Variants in AUTS2 observed in about 807,000 individuals in gnomAD.
AUTS2 encodes autism susceptibility gene 2 protein.
A neutral mutation model predicts 112.4 loss-of-function variants in AUTS2; 17 were observed. That is an observed-to-expected ratio of 0.15 (90% confidence interval 0.10 to 0.23). The LOEUF (loss-of-function observed/expected upper bound fraction) is 0.23, where lower values mean the gene tolerates loss of function less well. AUTS2 is among the 10% of genes least tolerant of loss of function. AUTS2 has a pLI of 1.00. For missense variants in AUTS2, 1,510 were observed against 1,701.6 expected (o/e 0.89, Z 1.98); for synonymous variants, 751 against 702.7 (o/e 1.07, Z -1.09).
At chr7:70,635,913 A>G (rs978797547) in intron 5 of AUTS2, among the ~76,000 whole-genome samples, 2 of 152,154 alleles carry the variant, frequency 1.3e-5, no homozygotes, top group African/African-American at 4.8e-5. Context: ...TTAGTCTGGA[A>G]ATGACATCCA....
At chr7:70,333,555 C>T (rs1790854156) in intron 4 of AUTS2, among the ~76,000 whole-genome samples, 2 of 152,136 alleles carry the variant, frequency 1.3e-5, no homozygotes, top group African/African-American at 4.8e-5. Flanking sequence ...TTGGAACCAA[C>T]CCAAATGCCC....
At chr7:70,569,912 T>C (rs947863821) in intron 5 of AUTS2, among the ~76,000 whole-genome samples, 3 of 152,118 alleles carry the variant, frequency 2.0e-5, no homozygotes, top group Non-Finnish European at 2.9e-5. Context: ...CTTTTTTTTT[T>C]CTCCCAAAAC....
intron 5 of AUTS2, among the ~76,000 whole-genome samples, chr7:70,650,448 A>T (rs1241308398): frequency 6.6e-6 from 1 of 152,336 alleles, no homozygotes; most frequent in African/African-American, 2.4e-5. Flanking sequence ...AAAGTCACTG[A>T]TTCTGACTTA....
intron 5 of AUTS2, among the ~76,000 whole-genome samples, chr7:70,521,295 G>A (rs1799636350): frequency 1.3e-5 from 2 of 152,160 alleles, no homozygotes; most frequent in South Asian, 2.1e-4. Flanking sequence ...CAGATACGAC[G>A]TGTGAAATGC....
chr7:70,059,698 T>C (rs184879283), intron 2 of AUTS2, among the ~76,000 whole-genome samples: 7 of 152,284 alleles, frequency 4.6e-5, no homozygotes, highest in African/African-American at 1.7e-4. Context: ...TCTGTTTGAT[T>C]GGAGTTCATG....
At chr7:70,574,232 G>A (rs552661983) in intron 5 of AUTS2, among the ~76,000 whole-genome samples, 17 of 152,132 alleles carry the variant, frequency 1.1e-4, no homozygotes, top group Non-Finnish European at 2.4e-4. Context: ...AAAGTTGAAA[G>A]GAGACCAGCA....
intron 1 of AUTS2, among the ~76,000 whole-genome samples, chr7:69,646,980 C>T (rs1039023149): frequency 5.3e-5 from 8 of 152,100 alleles, no homozygotes; most frequent in Admixed American, 3.3e-4. Flanking sequence ...CCCAGCTGCT[C>T]GGGAAGCTGA....
At chr7:69,879,370 G>C (rs1464942142) in intron 1 of AUTS2, among the ~76,000 whole-genome samples, 1 of 148,028 alleles carries the variant, frequency 6.8e-6, no homozygotes, top group Non-Finnish European at 1.5e-5. Context: ...GGCTGATCCT[G>C]ACCTCCTGGG....
intron 4 of AUTS2, among the ~76,000 whole-genome samples, chr7:70,297,182 C>G (rs949628857): frequency 1.3e-5 from 2 of 151,802 alleles, no homozygotes; most frequent in African/African-American, 4.8e-5. Context: ...TGCCTTACAC[C>G]ACCCAGAATT....
chr7:70,739,919 C>T (rs1262221165), intron 6 of AUTS2, among the ~76,000 whole-genome samples: 2 of 152,100 alleles, frequency 1.3e-5, no homozygotes, highest in Non-Finnish European at 2.9e-5. Flanking sequence ...CAAAAGACAG[C>T]CCTTCAAATG....
At chr7:70,039,359 G>A (rs1350564513) in intron 2 of AUTS2, among the ~76,000 whole-genome samples, 1 of 152,018 alleles carries the variant, frequency 6.6e-6, no homozygotes, top group Non-Finnish European at 1.5e-5. Context: ...TTTTGTTGTT[G>A]TTGTTGTTGT....
chr7:69,980,574 A>G (rs548749091), intron 2 of AUTS2, among the ~76,000 whole-genome samples: 3 of 152,102 alleles, frequency 2.0e-5, no homozygotes, highest in Non-Finnish European at 4.4e-5. Context: ...TGAACTGGAA[A>G]CAGTTAAAGC....
At chr7:69,945,661 A>G (rs1165593171) in intron 2 of AUTS2, among the ~76,000 whole-genome samples, 1 of 151,758 alleles carries the variant, frequency 6.6e-6, no homozygotes, top group African/African-American at 2.4e-5. Flanking sequence ...CTAAGAATCT[A>G]CTCTTCTAGT....
At chr7:69,926,214 G>A (rs574897771) in intron 2 of AUTS2, among the ~76,000 whole-genome samples, 200 of 152,126 alleles carry the variant, frequency 1.3e-3, no homozygotes, top group Non-Finnish European at 2.3e-3. Flanking sequence ...ATATCCTTAC[G>A]GATTTTTTGC....
At chr7:70,054,935 C>A (rs924080517) in intron 2 of AUTS2, among the ~76,000 whole-genome samples, 1 of 152,080 alleles carries the variant, frequency 6.6e-6, no homozygotes, top group African/African-American at 2.4e-5. Flanking sequence ...TATCTCTTCC[C>A]CCTTTCTGCT....
At chr7:70,552,009 C>T (rs1016056119) in intron 5 of AUTS2, among the ~76,000 whole-genome samples, 3 of 152,146 alleles carry the variant, frequency 2.0e-5, no homozygotes, top group Admixed American at 6.5e-5. Flanking sequence ...GCTGAATTAT[C>T]TCTGCCTCTC....
At position 70,793,504 on chromosome 7, in the gene AUTS2, T is replaced by C. The variant is rs1792087900; in HGVS notation, c.*2508T>C. The C allele has an allele frequency of 6.6e-6, 1 of 152,210 alleles. No individual in the cohort carries two copies. Among genetic ancestry groups the C allele is most frequent in the African/African-American group, 2.4e-5 (1 of 41,450 alleles). 9.4% of individuals were successfully genotyped at this position (152,210 alleles called of 1,614,324 possible). A position where few individuals can be genotyped will look rare whatever the true frequency, so the allele number is the denominator to read the frequency against. ...AATGTTAAATTTTCTTATACCGACCTGATGAAATTGCTATTTGGATGAGAT... is the reference window on the plus strand; with the variant it reads ...AATGTTAAATTTTCTTATACCGACCCGATGAAATTGCTATTTGGATGAGAT... On this transcript the variant is annotated 3_prime_UTR_variant, in exon 19 of 19. Coordinates refer to ENST00000342771, the MANE Select transcript of AUTS2 (RefSeq NM_015570.4).
At chr7:69,933,286 T>A (rs1271384079) in intron 2 of AUTS2, among the ~76,000 whole-genome samples, 1 of 152,126 alleles carries the variant, frequency 6.6e-6, no homozygotes, top group East Asian at 1.9e-4. Context: ...CTTTAAAGGG[T>A]TAAAATAAGT....
intron 5 of AUTS2, among the ~76,000 whole-genome samples, chr7:70,677,125 T>G (rs1044347248): frequency 6.6e-6 from 1 of 152,230 alleles, no homozygotes; most frequent in African/African-American, 2.4e-5. Context: ...CTGCCATTTT[T>G]GAGTTCTCCT....
Sources: gnomAD v4.1 joint callset for allele counts (sites outside exome capture counted in the v4.1 genomes callset) on GRCh38, gnomAD v4.1.1 for gene constraint, MANE v1.5 for transcripts, NCBI Gene and HGNC (gene_info 2026-07-23, HGNC 2026-07-21) for gene names.